FGD3: variants seen among roughly 807,000 people sequenced by gnomAD.
FGD3 encodes the protein FYVE, RhoGEF and PH domain containing 3.
Under a neutral mutation model 71.8 loss-of-function variants are expected in FGD3, and 45 were observed. The ratio of observed to expected loss-of-function variants is 0.63; its 90% CI spans 0.49 to 0.80. FGD3 has a LOEUF of 0.80. FGD3 is among the 30% of genes least tolerant of loss of function. FGD3 has a pLI of 0.00. For synonymous variants in FGD3, 378 were observed against 392.8 expected, an observed-to-expected ratio of 0.96 and a Z score of 0.44; for missense variants, 844 against 951.5, an observed-to-expected ratio of 0.89 and a Z score of 1.49.
chr9:92,991,371 AC>A (rs898467732), intron 3 of FGD3, among the ~76,000 whole-genome samples: 7 of 152,032 alleles, frequency 4.6e-5, no homozygotes, highest in African/African-American at 1.7e-4. Flanking sequence ...GAGCCATTGC[AC>A]CCGGCCCTTA....
chr9:92,981,135 G>A lies in FGD3; in HGVS notation c.453+4426G>A, dbSNP rs113262373. ...TGTAATCCCAGCACTTTGGGAGGCC[G>A]AGGCAGTCGGATCATGAGGTCAGGA... is the stretch of plus-strand genomic sequence containing the variant. On this transcript the variant is annotated intron_variant, in intron 3 of 17. Coordinates refer to ENST00000375482, the MANE Select transcript of FGD3 (RefSeq NM_001083536.2). Among the ~76,000 whole-genome samples, 187 of 151,940 alleles carry A rather than the reference G, an allele frequency of 1.2e-3. 2 individuals are homozygous for A. Among genetic ancestry groups the A allele is most frequent in the African/African-American group, 4.1e-3 (172 of 41,494 alleles).
intron 3 of FGD3, among the ~76,000 whole-genome samples, chr9:92,989,354 C>G (rs547582442): frequency 6.6e-6 from 1 of 152,246 alleles, no homozygotes; most frequent in East Asian, 1.9e-4. Context: ...TGGCCAACCC[C>G]TGACCTCTTC....
intron 1 of FGD3, among the ~76,000 whole-genome samples, chr9:92,965,211 T>A (rs1441935316): frequency 6.6e-6 from 1 of 152,166 alleles, no homozygotes; most frequent in Non-Finnish European, 1.5e-5. Flanking sequence ...ATCTGTAAAG[T>A]GGTGACTGAG....
At chr9:92,968,822 G>A (rs554312895) in intron 1 of FGD3, among the ~76,000 whole-genome samples, 1 of 152,174 alleles carries the variant, frequency 6.6e-6, no homozygotes, top group South Asian at 2.1e-4. Context: ...GGCTGGTCTC[G>A]AACTCCTGAC....
chr9:93,020,205 T>C, intron 12 of FGD3, 112 bp from the exon 13 acceptor site: 1 of 966,460 alleles, frequency 1.0e-6, no homozygotes, highest in Admixed American at 2.7e-5. Flanking sequence ...GCCTGGGCAT[T>C]GTTCTGGGAA....
intron 5 of FGD3, among the ~76,000 whole-genome samples, chr9:93,005,410 C>T (rs1254979552): frequency 2.0e-5 from 3 of 152,162 alleles, no homozygotes; most frequent in African/African-American, 7.2e-5. Flanking sequence ...CAGGCATGAG[C>T]CACCACACCC....
chr9:93,005,839 A>T (rs1861028919), intron 5 of FGD3, among the ~76,000 whole-genome samples, 185 bp from the exon 6 acceptor site: 1 of 152,128 alleles, frequency 6.6e-6, no homozygotes, highest in Non-Finnish European at 1.5e-5. Context: ...TTAATTGCCC[A>T]GTTACTATTT....
intron 14 of FGD3, among the ~76,000 whole-genome samples, chr9:93,025,507 T>A (rs1587868992): frequency 7.2e-6 from 1 of 138,660 alleles, no homozygotes; most frequent in African/African-American, 2.5e-5. Context: ...GAGCTCAGTG[T>A]GCGTTTTACA....
intron 3 of FGD3, among the ~76,000 whole-genome samples, chr9:92,987,450 G>A (rs1860233066): frequency 1.3e-5 from 2 of 149,520 alleles, no homozygotes; most frequent in African/African-American, 2.5e-5. Flanking sequence ...AAAAAAGAAA[G>A]AAAGAAAAAA....
At chr9:93,027,622 C>T (rs1409205258) in intron 14 of FGD3, among the ~76,000 whole-genome samples, 1 of 152,068 alleles carries the variant, frequency 6.6e-6, no homozygotes, top group African/African-American at 2.4e-5. Context: ...CATAGTTCAG[C>T]CCATCACAGC....
At chr9:92,985,078 A>T (rs763718914) in intron 3 of FGD3, among the ~76,000 whole-genome samples, 29 of 152,230 alleles carry the variant, frequency 1.9e-4, no homozygotes, top group Non-Finnish European at 2.6e-4. Flanking sequence ...TTCAGCCTTC[A>T]AAGCAGTCCC....
chr9:92,984,754 G>A (rs897786820), intron 3 of FGD3, among the ~76,000 whole-genome samples: 2 of 152,098 alleles, frequency 1.3e-5, no homozygotes, highest in African/African-American at 2.4e-5. Flanking sequence ...CCAGGGACTG[G>A]TGGGAAAGTG....
Position 93,011,204 on chromosome 9 carries a change from C to G in FGD3, c.977-10C>G, listed in dbSNP as rs1564162025. The G allele has an allele frequency of 6.2e-7, 1 of 1,614,134 alleles. No individual in the cohort carries two copies. Among genetic ancestry groups the G allele is most frequent in the Non-Finnish European group, 8.5e-7 (1 of 1,179,990 alleles). On this transcript the variant is annotated splice_polypyrimidine_tract_variant and intron_variant, in intron 7 of 17. Coordinates refer to ENST00000375482, the MANE Select transcript of FGD3 (RefSeq NM_001083536.2). ...GTGGCCCCAGGCTGAACACAGTCTT[C>G]TTCCTGCAGGGTCCTTGGAGCTCAT...
chr9:93,021,698 C>T (rs570078733), intron 13 of FGD3, among the ~76,000 whole-genome samples: 1 of 152,316 alleles, frequency 6.6e-6, no homozygotes, highest in South Asian at 2.1e-4. Flanking sequence ...GTTCTGCCCT[C>T]CCTACCACCT....
intron 1 of FGD3, among the ~76,000 whole-genome samples, chr9:92,954,803 T>C (rs1268475093): frequency 6.6e-6 from 1 of 152,194 alleles, no homozygotes; most frequent in Non-Finnish European, 1.5e-5. Flanking sequence ...TTGGGCTGTG[T>C]CCTAGAGACC....
chr9:92,951,976 AT>A (rs1176774056), intron 1 of FGD3, among the ~76,000 whole-genome samples: 1 of 152,162 alleles, frequency 6.6e-6, no homozygotes, highest in African/African-American at 2.4e-5. Context: ...CAAAAGGGGC[AT>A]CTGGTTTTTT....
At chr9:93,018,327 C>A in intron 11 of FGD3, 112 bp downstream of exon 11, 1 of 998,450 alleles carries the variant, frequency 1.0e-6, no homozygotes, top group South Asian at 1.5e-5. Flanking sequence ...TTTAAAAGTA[C>A]TGTTACTGAA....
chr9:93,015,944 C>T, intron 10 of FGD3, 115 bp downstream of exon 10: 1 of 880,396 alleles, frequency 1.1e-6, no homozygotes, highest in Non-Finnish European at 1.9e-6. Context: ...GGCACCCCTA[C>T]CTGCTTTTCC....
At chr9:92,984,357 T>C (rs1002568846) in intron 3 of FGD3, among the ~76,000 whole-genome samples, 1 of 152,238 alleles carries the variant, frequency 6.6e-6, no homozygotes, top group African/African-American at 2.4e-5. Flanking sequence ...TTACCAACAA[T>C]ACCTTTACCT....
Sources: allele counts gnomAD v4.1 joint callset (sites outside exome capture counted in the v4.1 genomes callset), GRCh38; gene constraint gnomAD v4.1.1; transcripts MANE v1.5; gene names NCBI Gene and HGNC (gene_info 2026-07-23, HGNC 2026-07-21).